Variants in LAMC2 observed in about 807,000 individuals in gnomAD.
The protein encoded by LAMC2 is laminin subunit gamma 2, also known as laminin subunit gamma-2.
In LAMC2, 97 loss-of-function variants were observed where a neutral mutation model predicts 140.2. That is an observed-to-expected ratio of 0.69 (90% CI 0.59 to 0.82). The LOEUF (loss-of-function observed/expected upper bound fraction) is 0.82. Among genes scored for constraint, LAMC2 ranks in the 40% least tolerant of loss-of-function variants. LAMC2 has a pLI of 0.00. For missense variants in LAMC2, 1,402 were observed against 1,476.1 expected (o/e 0.95, Z 0.82); for synonymous variants, 513 against 540.2 (o/e 0.95, Z 0.70).
chr1:183,231,695 C>T (rs1196766854), intron 12 of LAMC2, among the ~76,000 whole-genome samples: 1 of 152,188 alleles, frequency 6.6e-6, no homozygotes, highest in African/African-American at 2.4e-5. Flanking sequence ...TAATTATTAA[C>T]TATTTTTCTT....
At position 183,186,375 on chromosome 1, in the gene LAMC2, G is replaced by A; in HGVS notation, c.23G>A (p.Cys8Tyr). The A allele has an allele frequency of 6.2e-7, 1 of 1,604,402 alleles. No homozygotes were observed. ...GCCATGCCTGCGCTCTGGCTGGGCT[G>A]CTGCCTCTGCTTCTCGCTCCTCCTG... The part of the protein sequence containing the change: MPALWLG[C>Y]CLCFSLLLPA... The change falls in exon 1 of 23, where the codon TGC (cysteine) becomes TAC (tyrosine). Residue 8 changes from cysteine (C) to tyrosine (Y), a missense_variant. This residue lies in a region of LAMC2 where 723 missense variants were observed against 783.3 expected (regional missense o/e 0.92). Transcript: ENST00000264144.
chr1:183,224,673 T>TAAAC (rs1659574846), intron 7 of LAMC2, among the ~76,000 whole-genome samples: 6 of 147,888 alleles, frequency 4.1e-5, no homozygotes, highest in Admixed American at 4.0e-4. Flanking sequence ...GTTCTAATGA[T>TAAAC]ACACACACAC....
rs1391576175 is a variant in LAMC2, at chr1:183,218,485, A to T, written c.500A>T (p.Asp167Val). 6.2e-7 allele frequency: 1 copy of T among 1,612,212 alleles called. No individual in the cohort carries two copies. The highest frequency in any genetic ancestry group is 8.5e-7 in the Non-Finnish European group (1 of 1,178,510). ...CCAGCTGTCACTGGAGAACGCTGTG[A>T]TAGGTCTGTGTGAACCGTGGCCCTA... Reference protein sequence around the residue: ...CKPAVTGERCDRCRSGYYNLD... With the variant: ...CKPAVTGERCVRCRSGYYNLD... The change falls in exon 4 of 23, where the codon GAT (aspartate) becomes GTT (valine). Residue 167 changes from aspartate (D) to valine (V), a missense_variant. Physicochemically the swap from Asp to Val is radical, Grantham distance 152. Transcript: ENST00000264144.
rs999170250 is a variant in LAMC2 at position 183,195,223 on chromosome 1, C to T, written c.79+8792C>T. On this transcript the variant is annotated intron_variant, in intron 1 of 22. Transcript: ENST00000264144. ...GTGGAGTGTCAGGGGAAGACATCTCCAGGTGTGAACTCCTGATGGAGTCCT... is the reference window on the plus strand; with the variant it reads ...GTGGAGTGTCAGGGGAAGACATCTCTAGGTGTGAACTCCTGATGGAGTCCT... Among the ~76,000 whole-genome samples, 6 of 152,140 alleles carry T rather than the reference C, an allele frequency of 3.9e-5. No individual in the cohort carries two copies. The South Asian group carries it at 1.0e-3, about 26-fold the overall frequency.
At chr1:183,189,388 G>A (rs1244492204) in intron 1 of LAMC2, among the ~76,000 whole-genome samples, 14 of 152,140 alleles carry the variant, frequency 9.2e-5, no homozygotes, top group African/African-American at 2.4e-4. Flanking sequence ...CCAGGAGTTC[G>A]AGACCAGCCT....
rs564145086 is a variant in LAMC2, at chr1:183,220,678, G to A, written c.504-147G>A. 26 of 755,538 alleles carry A rather than the reference G, an allele frequency of 3.4e-5. No homozygotes were observed. In the East Asian group the frequency reaches 6.7e-4, roughly 20 times the overall value. 46.8% of individuals were successfully genotyped at this position (755,538 alleles called of 1,614,324 possible). On this transcript the variant is annotated intron_variant, in intron 4 of 22. Transcript: ENST00000264144. ...TCCATCTGGTGGTCTGGGGGTGGGG[G>A]TGATATGCAAAATCTGGTATTTCCC...
In LAMC2 at chr1:183,228,326, T is replaced by C; in HGVS notation, c.1469-48T>C. ...AACTTTAGGCCTCTGCGTCTGGTCT[T>C]CCTCCTGATGGATGTCGACCTAGGC... is the stretch of plus-strand genomic sequence containing the variant. On this transcript the variant is annotated intron_variant, in intron 10 of 22. Transcript: ENST00000264144. This position sits in a 1 kb window ranked among gnomAD's most constrained non-coding sequence, Gnocchi z 4.3. 1 of 1,613,720 alleles carries C rather than the reference T, an allele frequency of 6.2e-7. No individual in the cohort carries two copies. Among genetic ancestry groups the C allele is most frequent in the Non-Finnish European group, 8.5e-7 (1 of 1,179,742 alleles).
At position 183,235,609 on chromosome 1, in the gene LAMC2, A is replaced by G. The variant is rs766065852; in HGVS notation, c.2335A>G (p.Thr779Ala). 6.2e-7 allele frequency: 1 copy of G among 1,614,226 alleles called. No individual in the cohort carries two copies. Among genetic ancestry groups the G allele is most frequent in the South Asian group, 1.1e-5 (1 of 91,086 alleles). Residue 779 changes from threonine to alanine, a missense_variant, in exon 16 of 23, where the codon ACA becomes GCA. Around this residue, in one of 3 missense-constraint regions of LAMC2, gnomAD observed 670 missense variants for 667.2 expected, o/e 1.00. Transcript: ENST00000264144. ...VESASNMEQL[T>A]RETEDYSKQA... ...GTCAGCCAGTAACATGGAGCAACTGACAAGGGAAACTGAGGACTATTCCAA... is the reference window on the plus strand; with the variant it reads ...GTCAGCCAGTAACATGGAGCAACTGGCAAGGGAAACTGAGGACTATTCCAA...
chr1:183,187,804 G>A (rs1400527636), intron 1 of LAMC2, among the ~76,000 whole-genome samples: 1 of 152,192 alleles, frequency 6.6e-6, no homozygotes, highest in Non-Finnish European at 1.5e-5. Flanking sequence ...TTTGAAAAAT[G>A]AGAAAATGAA....
At chr1:183,258,638 G>A in the LAMC2 span, among the ~76,000 whole-genome samples, 3 of 152,184 alleles carry the variant, frequency 2.0e-5, no homozygotes, top group East Asian at 3.9e-4. Context: ...TAGAAATTAC[G>A]GTTTAGGAGT....
chr1:183,187,621 A>G (rs1026124632), intron 1 of LAMC2, among the ~76,000 whole-genome samples: 1 of 152,182 alleles, frequency 6.6e-6, no homozygotes, highest in Non-Finnish European at 1.5e-5. Flanking sequence ...AAATATATAT[A>G]GTTTTAAAAA....
At chr1:183,196,106 AAT>A (rs967996721) in intron 1 of LAMC2, among the ~76,000 whole-genome samples, 1 of 151,882 alleles carries the variant, frequency 6.6e-6, no homozygotes, top group African/African-American at 2.4e-5. Context: ...ATGCAATTTG[AAT>A]ATTTGTCATA....
At chr1:183,221,254 A>C (rs1659459577) in intron 5 of LAMC2, among the ~76,000 whole-genome samples, 1 of 152,218 alleles carries the variant, frequency 6.6e-6, no homozygotes, top group Non-Finnish European at 1.5e-5. Flanking sequence ...ACCACGAAGG[A>C]ATCATTCATT....
intron 17 of LAMC2, 68 bp downstream of exon 17, chr1:183,236,672 C>G (rs1659974428): frequency 6.4e-7 from 1 of 1,553,526 alleles, no homozygotes; most frequent in East Asian, 2.2e-5. Context: ...CTGGGGGTGC[C>G]ATAATATTGT....
intron 11 of LAMC2, among the ~76,000 whole-genome samples, chr1:183,229,688 A>C (rs1210644502): frequency 1.3e-5 from 2 of 150,728 alleles, no homozygotes; most frequent in Non-Finnish European, 3.0e-5. Context: ...AGGTTGGAAG[A>C]CTCTTGGTTC....
intron 1 of LAMC2, among the ~76,000 whole-genome samples, chr1:183,197,711 A>C (rs1658565698): frequency 6.6e-6 from 1 of 152,128 alleles, no homozygotes. Context: ...TAAGTAAATA[A>C]GTAAATAAAT....
At chr1:183,210,628 A>C (rs1038270996) in intron 2 of LAMC2, among the ~76,000 whole-genome samples, 11 of 152,256 alleles carry the variant, frequency 7.2e-5, no homozygotes, top group Non-Finnish European at 1.2e-4. Context: ...TTCAATGCCC[A>C]AAAGCAGACA....
In LAMC2 at chr1:183,230,944, T is replaced by G; in HGVS notation, c.1715-17T>G. The G allele has an allele frequency of 6.2e-7, 1 of 1,614,042 alleles. No individual in the cohort carries two copies. Among genetic ancestry groups the G allele is most frequent in the Non-Finnish European group, 8.5e-7 (1 of 1,179,924 alleles). On this transcript the variant is annotated splice_polypyrimidine_tract_variant and intron_variant, in intron 11 of 22. Transcript: ENST00000264144. ...GACTAGTTTGATGTGAATGCTCCAT[T>G]TGTCTTTTGTCTCTAGCTTGCAACT...
chr1:183,195,278 G>A (rs759845369), intron 1 of LAMC2, among the ~76,000 whole-genome samples: 3 of 151,986 alleles, frequency 2.0e-5, no homozygotes, highest in Non-Finnish European at 4.4e-5. Context: ...CAGTTCACAC[G>A]GGTACATTCC....
Sources: allele counts gnomAD v4.1 joint callset (sites outside exome capture counted in the v4.1 genomes callset), GRCh38; gene constraint gnomAD v4.1.1; regional missense constraint gnomAD v4.1.1; non-coding constraint Gnocchi (gnomAD v3.1); transcripts MANE v1.5; gene names NCBI Gene and HGNC (gene_info 2026-07-23, HGNC 2026-07-21).